LILRB5: variants seen among roughly 807,000 people sequenced by gnomAD.
LILRB5 encodes the protein leukocyte immunoglobulin-like receptor subfamily B member 5.
A neutral mutation model predicts 68.4 loss-of-function variants in LILRB5; 61 were observed. The observed-to-expected ratio is 0.89, with a 90% CI of 0.73 to 1.10. LILRB5 has a LOEUF of 1.10. LILRB5 is among the 50% of genes least tolerant of loss of function. LILRB5 has a pLI of 0.00. For synonymous variants in LILRB5, 356 were observed against 315.8 expected (o/e 1.13, Z -1.35); for missense variants, 771 against 751.6 (o/e 1.03, Z -0.30).
chr19:54,255,341 G>A lies in LILRB5; in HGVS notation c.897C>T (p.His299=). The stretch of plus-strand genomic sequence containing the variant: ...GGGCCGACCACCTAGGGGAGAGGTT[G>A]TGTGCACCGTAGCATCTGTACTGGC... ...HGGQYRCYGA[H]NLSPRWSAPS... is the part of the protein sequence containing the mutation. Residue 299 remains histidine (H), a synonymous_variant, in exon 5 of 13, where the codon CAC becomes CAT. Transcript: ENST00000449561. The A allele has an allele frequency of 6.2e-7, 1 of 1,614,014 alleles. No homozygotes were observed. Among genetic ancestry groups the A allele is most frequent in the Non-Finnish European group, 8.5e-7 (1 of 1,179,990 alleles).
rs1286004017 is a variant in LILRB5 at position 54,255,175 on chromosome 19, T to C, written c.952+111A>G. ...CCCATCCCCTGTCTCTGTCTGTCTC[T>C]CCCTCCCTTGGGACCACCCCCCCGC... is the stretch of plus-strand genomic sequence containing the variant. On this transcript the variant is annotated intron_variant, in intron 5 of 12. Coordinates refer to ENST00000449561, the MANE Select transcript of LILRB5 (RefSeq NM_001081442.3). The C allele has an allele frequency of 1.3e-5, 17 of 1,271,688 alleles. No individual in the cohort carries two copies. The Admixed American group carries it at 2.8e-4, about 21-fold the overall frequency. The allele number at this position is 1,271,688 out of a possible 1,614,324, so 78.8% of individuals were successfully genotyped here. A position where few individuals can be genotyped will look rare whatever the true frequency, so the allele number is the denominator to read the frequency against.
At chr19:54,255,064 G>T in intron 5 of LILRB5, 27 bp from the exon 6 acceptor site, 1 of 1,575,858 alleles carries the variant, frequency 6.3e-7, no homozygotes, top group East Asian at 2.2e-5. Context: ...TGGGTGAGGG[G>T]CTGCCCCACC....
chr19:54,255,001 G>A lies in LILRB5; in HGVS notation c.989C>T (p.Pro330Leu), dbSNP rs776657865. The A allele has an allele frequency of 8.7e-6, 14 of 1,612,594 alleles. No homozygotes were observed. The highest frequency in any genetic ancestry group is 6.7e-5 in the East Asian group (3 of 44,858). The stretch of plus-strand genomic sequence containing the variant: ...CTCTCCTGAGGCCACCTTGGGGCCC[G>A]GCTGCACCGAGAGGGCGGGTATGTC... ...IPDIPALSVQ[P>L]GPKVASGENV... The change falls in exon 6 of 13, where the codon CCG (proline) becomes CTG (leucine). Residue 330 changes from proline (P) to leucine (L), a missense_variant. Pro to Leu is a moderately conservative substitution (Grantham distance 98). Transcript: ENST00000449561.
chr19:54,255,432 T>C lies in LILRB5; in HGVS notation c.806A>G (p.Gln269Arg), dbSNP rs200348630. Residue 269 changes from glutamine to arginine, a missense_variant, in exon 5 of 13, where the codon CAG becomes CGG. Transcript: ENST00000449561. ...CTGGGAGAGCCCAGCCTGGGGCTGC[T>C]GGCCAGAGCCCTGGACGAGGTCATG... ...GEHDLVQGSG[Q>R]QPQAGLSQAN... is the part of the protein sequence containing the mutation. 156 of 1,613,960 alleles carry C rather than the reference T, an allele frequency of 9.7e-5. 1 individual carries two copies. Among genetic ancestry groups the C allele is most frequent in the Non-Finnish European group, 1.2e-4 (144 of 1,179,974 alleles).
rs952061009 is a variant in LILRB5 at position 54,256,499 on chromosome 19, C to G, written c.345G>C (p.Leu115=). 1 of 1,613,764 alleles carries G rather than the reference C, an allele frequency of 6.2e-7. No individual in the cohort carries two copies. Among genetic ancestry groups the G allele is most frequent in the South Asian group, 1.1e-5 (1 of 91,066 alleles). ...GWSEPSDPLE[L]VATGFYAEPT... is the part of the protein sequence containing the mutation. ...TGAGTGTCCTCTCACCTGTCGCCAC[C>G]AGCTCCAGGGGGTCACTGGGCTCTG... Residue 115 remains leucine (L), a synonymous_variant, in exon 3 of 13, where the codon CTG becomes CTC. Transcript: ENST00000449561.
At chr19:54,252,847 C>G (rs778988939) in intron 9 of LILRB5, 24 bp downstream of exon 9, 2 of 1,594,880 alleles carry the variant, frequency 1.3e-6, no homozygotes, top group South Asian at 1.1e-5. Flanking sequence ...GGTCGGCCCA[C>G]GGGTTCCCCC....
chr19:54,252,601 C>T, intron 9 of LILRB5, 52 bp from the exon 10 acceptor site: 3 of 1,594,118 alleles, frequency 1.9e-6, no homozygotes, highest in Non-Finnish European at 2.6e-6. Context: ...AACCAGCTGC[C>T]CTGCACACAC....
At position 54,249,956 on chromosome 19, in the gene LILRB5, C is replaced by T. The variant is rs1176597686; in HGVS notation, c.*830G>A. ...ACTGAGGCAGGAGAATCGCTTGAAC[C>T]CGGGAGGCAGAGGTTGCAGTGAGCC... On this transcript the variant is annotated 3_prime_UTR_variant, in exon 13 of 13. Transcript: ENST00000449561. 6.6e-6 allele frequency: 1 copy of T among 152,384 alleles called. No homozygotes were observed. Among genetic ancestry groups the T allele is most frequent in the African/African-American group, 2.4e-5 (1 of 41,418 alleles). The allele number at this position is 152,384 out of a possible 1,614,324, so 9.4% of individuals were successfully genotyped here.
rs766866785 is a variant in LILRB5 at position 54,256,359 on chromosome 19, C to T, written c.356-17G>A. The stretch of plus-strand genomic sequence containing the variant: ...CATAGAATCCTAGCAGAGAAGGAGG[C>T]ACGTCTTAAGTGGGGCTCCGACCTC... On this transcript the variant is annotated splice_polypyrimidine_tract_variant and intron_variant, in intron 3 of 12. Coordinates refer to ENST00000449561, the MANE Select transcript of LILRB5 (RefSeq NM_001081442.3). 3.1e-6 allele frequency: 5 copies of T among 1,593,620 alleles called. No individual in the cohort carries two copies. In the South Asian group the frequency reaches 3.4e-5, roughly 11 times the overall value.
Position 54,251,787 on chromosome 19 carries a change from C to G in LILRB5, c.1629+267G>C, listed in dbSNP as rs557728825. The G allele has an allele frequency of 6.2e-3, 4,262 of 683,514 alleles. 33 individuals carry two copies. The highest frequency in any genetic ancestry group is 0.02 in the African/African-American group (1,108 of 56,332). The allele number at this position is 683,514 out of a possible 1,614,324, so 42.3% of individuals were successfully genotyped here. On this transcript the variant is annotated intron_variant, in intron 12 of 12. Coordinates refer to ENST00000449561, the MANE Select transcript of LILRB5 (RefSeq NM_001081442.3). ...GGGGACCGGGTCGGTTCATTTATTC[C>G]TCATCCTCCTGAGGCCTGGGGAGAG...
chr19:54,257,173 G>A lies in LILRB5; in HGVS notation c.21C>T (p.Val7=), dbSNP rs776915940. ...TTCAAACCTCACCGAGGCAAATCAGGACTGAGAGGGTGAGGGTCATGGCGT... is the reference window on the plus strand; with the variant it reads ...TTCAAACCTCACCGAGGCAAATCAGAACTGAGAGGGTGAGGGTCATGGCGT... MTLTLS[V]LICLGLSVGP... The change falls in exon 1 of 13, where the codon GTC becomes GTT. Residue 7 remains valine (V), a synonymous_variant. Coordinates refer to ENST00000449561, the MANE Select transcript of LILRB5 (RefSeq NM_001081442.3). 3.7e-6 allele frequency: 6 copies of A among 1,614,220 alleles called. No individual in the cohort carries two copies. The South Asian group carries it at 6.6e-5, about 18-fold the overall frequency.
chr19:54,252,887 G>T lies in LILRB5; in HGVS notation c.1458C>A (p.Ser486Arg), dbSNP rs200028430. Residue 486 changes from serine (S) to arginine (R), a missense_variant, in exon 9 of 13, where the codon AGC becomes AGA. By Grantham distance (110) the Ser-to-Arg change is moderately radical. Coordinates refer to ENST00000449561, the MANE Select transcript of LILRB5 (RefSeq NM_001081442.3). ...CCTACTCACCCGATGTCCTGTGTTT[G>T]CTCTGATGCCGATGTCGGAGGAGGA... ...LFLLLRHRHQ[S>R]KHRTSAHFYR... The T allele has an allele frequency of 6.2e-7, 1 of 1,601,256 alleles. No homozygotes were observed. Among genetic ancestry groups the T allele is most frequent in the Non-Finnish European group, 8.5e-7 (1 of 1,172,158 alleles).
chr19:54,250,521 T>G lies in LILRB5; in HGVS notation c.*265A>C, dbSNP rs2361796. Reference sequence around the variant, plus strand: ...TAATATTTACATTATCATTCCAAATTTATACCATGCTCTAATTTCTGTTTC... The same window carrying G: ...TAATATTTACATTATCATTCCAAATGTATACCATGCTCTAATTTCTGTTTC... On this transcript the variant is annotated 3_prime_UTR_variant, in exon 13 of 13. Transcript: ENST00000449561. 0.29 allele frequency: 145,102 copies of G among 496,418 alleles called. 22,415 individuals are homozygous for G. Among genetic ancestry groups the G allele is most frequent in the Middle Eastern group, 0.36 (700 of 1,936 alleles). The allele number at this position is 496,418 out of a possible 1,614,324, so 30.8% of individuals were successfully genotyped here. A position where few individuals can be genotyped will look rare whatever the true frequency, so the allele number is the denominator to read the frequency against.
intron 9 of LILRB5, 29 bp downstream of exon 9, chr19:54,252,842 G>A (rs369703192): frequency 6.3e-7 from 1 of 1,587,972 alleles, no homozygotes; most frequent in Middle Eastern, 1.7e-4. Context: ...CCCTCGGTCG[G>A]CCCACGGGTT....
At chr19:54,251,193 G>T in intron 12 of LILRB5, 2 of 1,563,316 alleles carry the variant, frequency 1.3e-6, no homozygotes, top group South Asian at 2.3e-5. Context: ...GTGGTGGGGG[G>T]TGTCCTTGAG....
chr19:54,255,338 G>T lies in LILRB5; in HGVS notation c.900C>A (p.Asn300Lys), dbSNP rs749879962. The change falls in exon 5 of 13, where the codon AAC becomes AAA. Residue 300 changes from asparagine (N) to lysine (K), a missense_variant. Asn to Lys is a moderately conservative substitution (Grantham distance 94, BLOSUM62 0). Transcript: ENST00000449561. ...GGQYRCYGAH[N>K]LSPRWSAPSD... ...TGGGGGCCGACCACCTAGGGGAGAG[G>T]TTGTGTGCACCGTAGCATCTGTACT... is the stretch of plus-strand genomic sequence containing the variant. 3.1e-6 allele frequency: 5 copies of T among 1,613,984 alleles called. No individual in the cohort carries two copies. In the East Asian group the frequency reaches 1.1e-4, roughly 36 times the overall value.
In LILRB5 at chr19:54,256,115, A is replaced by C. The variant is rs754420805; in HGVS notation, c.583T>G (p.Cys195Gly). The change falls in exon 4 of 13, where the codon TGC becomes GGC. Residue 195 changes from cysteine (C) to glycine (G), a missense_variant. Transcript: ENST00000449561. ...VTPSCRWRFRCYYYYRKNPQV... is the reference protein window; with the variant it reads ...VTPSCRWRFRGYYYYRKNPQV... Reference sequence around the variant, plus strand: ...GGGTTTTTCCTGTAATAGTAATAGCATCTGAACCTCCACCTGCAGCTGGGG... The same window carrying C: ...GGGTTTTTCCTGTAATAGTAATAGCCTCTGAACCTCCACCTGCAGCTGGGG... The C allele has an allele frequency of 1.4e-5, 23 of 1,607,302 alleles. No homozygotes were observed. The highest frequency in any genetic ancestry group is 3.4e-5 in the Admixed American group (2 of 58,388).
rs756762328 is a variant in LILRB5, at chr19:54,254,081, G to T, written c.1307-13C>A. ...TCCTCAGGGCCTGCTGGGTCAGGAC[G>T]GGGAGGTGAGGGCTGGGGCTGCCCT... is the stretch of plus-strand genomic sequence containing the variant. On this transcript the variant is annotated splice_polypyrimidine_tract_variant and intron_variant, in intron 7 of 12. Coordinates refer to ENST00000449561, the MANE Select transcript of LILRB5 (RefSeq NM_001081442.3). The T allele has an allele frequency of 1.9e-6, 3 of 1,590,202 alleles. No individual in the cohort carries two copies. Among genetic ancestry groups the T allele is most frequent in the Admixed American group, 1.8e-5 (1 of 56,268 alleles).
Position 54,255,332 on chromosome 19 carries a change from G to T in LILRB5, c.906C>A (p.Ser302=), listed in dbSNP as rs1279037473. Residue 302 remains serine, a synonymous_variant, in exon 5 of 13, where the codon TCC becomes TCA. Transcript: ENST00000449561. Reference sequence around the variant, plus strand: ...GGTCGCTGGGGGCCGACCACCTAGGGGAGAGGTTGTGTGCACCGTAGCATC... The same window carrying T: ...GGTCGCTGGGGGCCGACCACCTAGGTGAGAGGTTGTGTGCACCGTAGCATC... ...QYRCYGAHNL[S]PRWSAPSDPL... 2.5e-6 allele frequency: 4 copies of T among 1,613,916 alleles called. No homozygotes were observed. Among genetic ancestry groups the T allele is most frequent in the South Asian group, 1.1e-5 (1 of 91,076 alleles).
Sources: gnomAD v4.1 joint callset for allele counts on GRCh38, gnomAD v4.1.1 for gene constraint, MANE v1.5 for transcripts, NCBI Gene and HGNC (gene_info 2026-07-23, HGNC 2026-07-21) for gene names.